The following ABHD13 variants were observed in gnomAD, a reference collection of about 807,000 sequenced individuals.
ABHD13 encodes the protein protein ABHD13.
ABHD13 carries 7 observed loss-of-function variants against 25.2 expected under a neutral mutation model. The observed-to-expected ratio is 0.28, with a 90% CI of 0.16 to 0.52. The LOEUF (loss-of-function observed/expected upper bound fraction) is 0.52. Ranked by LOEUF, ABHD13 falls within the 20% of genes least tolerant of loss-of-function variation. ABHD13 has a pLI of 0.96. For missense variants in ABHD13, 302 were observed against 402.7 expected (o/e 0.75, Z 2.14); for synonymous variants, 133 against 136.1 (o/e 0.98, Z 0.16).
In ABHD13 at chr13:108,220,874, C is replaced by T. The variant is rs555887522; in HGVS notation, c.-21+2215C>T. On this transcript the variant is annotated intron_variant, in intron 1 of 1. Transcript: ENST00000375898. ...TTATAGGTAAAGTTTTAGAACATTG[C>T]CCATTTATAAATTGGAAACTTTGTG... Among the ~76,000 whole-genome samples, 6 of 152,292 alleles carry T rather than the reference C, an allele frequency of 3.9e-5. No individual in the cohort carries two copies. The East Asian group carries it at 1.2e-3, about 29-fold the overall frequency.
intron 1 of ABHD13, among the ~76,000 whole-genome samples, chr13:108,225,228 T>G (rs1879650212): frequency 6.6e-6 from 1 of 152,222 alleles, no homozygotes; most frequent in Non-Finnish European, 1.5e-5. Flanking sequence ...GTGTTTAGTT[T>G]TGGATAAGTT....
chr13:108,226,547 A>G (rs139156555), intron 1 of ABHD13, among the ~76,000 whole-genome samples: 32 of 152,224 alleles, frequency 2.1e-4, no homozygotes, highest in Non-Finnish European at 3.7e-4. Flanking sequence ...AGGAGAGGTC[A>G]TTTTTTATCT....
rs1267482402 is a variant in ABHD13 at position 108,233,570 on chromosome 13, C to G, written c.*3338C>G. On this transcript the variant is annotated 3_prime_UTR_variant, in exon 2 of 2. Coordinates refer to ENST00000375898, the MANE Select transcript of ABHD13 (RefSeq NM_032859.3). ...GTGAGAGGAAAAATTAGTCATAACC[C>G]TTTTGGGTTATCCACTTAAATTTAG... 1 of 166,510 alleles carries G rather than the reference C, an allele frequency of 6.0e-6. No individual in the cohort carries two copies. The highest frequency in any genetic ancestry group is 1.5e-5 in the Non-Finnish European group (1 of 67,880). The allele number at this position is 166,510 out of a possible 1,614,324, so 10.3% of individuals were successfully genotyped here.
chr13:108,219,226 A>G lies in ABHD13; in HGVS notation c.-21+567A>G, dbSNP rs184561804. 1.1e-3 allele frequency among the ~76,000 whole-genome samples: 164 copies of G among 152,252 alleles called. No homozygotes were observed. In the South Asian group the frequency reaches 0.017, roughly 16 times the overall value. ...CAGGAAGTTCTGGGGTTATTCAGGA[A>G]ACATCAAAAAAGCACCCCATACAAT... is the stretch of plus-strand genomic sequence containing the variant. On this transcript the variant is annotated intron_variant, in intron 1 of 1. Transcript: ENST00000375898.
rs768930818 is a variant in ABHD13, at chr13:108,229,045, A to G, written c.-20-154A>G. ...GGAAACTGTTGAGAACAGAAAGGACAAGGGAAATTATAGCAGCTACTTTTG... is the reference window on the plus strand; with the variant it reads ...GGAAACTGTTGAGAACAGAAAGGACGAGGGAAATTATAGCAGCTACTTTTG... On this transcript the variant is annotated intron_variant, in intron 1 of 1. Coordinates refer to ENST00000375898, the MANE Select transcript of ABHD13 (RefSeq NM_032859.3). This position sits in a 1 kb window ranked among gnomAD's most constrained non-coding sequence, Gnocchi z 4.7. Among the ~76,000 whole-genome samples, 18 of 152,078 alleles carry G rather than the reference A, an allele frequency of 1.2e-4. No individual in the cohort carries two copies. Among genetic ancestry groups the G allele is most frequent in the Non-Finnish European group, 2.2e-4 (15 of 67,952 alleles).
intron 1 of ABHD13, among the ~76,000 whole-genome samples, chr13:108,228,378 C>T (rs1205724918): frequency 2.0e-5 from 3 of 151,762 alleles, no homozygotes; most frequent in Non-Finnish European, 4.4e-5. Context: ...GACCCCAGGA[C>T]GTGAAACTTC....
rs1419522135 is a variant in ABHD13 at position 108,230,283 on chromosome 13, A to C, written c.*51A>C. On this transcript the variant is annotated 3_prime_UTR_variant, in exon 2 of 2. Transcript: ENST00000375898. ...GTATTTTAATTTGTGCAGAATGATA[A>C]AGAATGTTCCTTTTAGAAGTGTGTT... The C allele has an allele frequency of 7.0e-7, 1 of 1,424,464 alleles. No individual in the cohort carries two copies. Among genetic ancestry groups the C allele is most frequent in the Non-Finnish European group, 9.4e-7 (1 of 1,064,074 alleles). The allele number at this position is 1,424,464 out of a possible 1,614,324, so 88.2% of individuals were successfully genotyped here.
At position 108,232,354 on chromosome 13, in the gene ABHD13, CCTTT is replaced by C. The variant is rs1380998431; in HGVS notation, c.*2129_*2132del. 4 of 166,848 alleles carry C rather than the reference CCTTT, an allele frequency of 2.4e-5. No individual in the cohort carries two copies. Among genetic ancestry groups the C allele is most frequent in the African/African-American group, 7.2e-5 (3 of 41,404 alleles). 10.3% of individuals were successfully genotyped at this position (166,848 alleles called of 1,614,324 possible). A position where few individuals can be genotyped will look rare whatever the true frequency, so the allele number is the denominator to read the frequency against. ...CCTTCATTCTCTTAGGGTTAAGGAG[CCTTT>C]CTTTCTGCAGCTAAGGGCAGAGGCT... is the stretch of plus-strand genomic sequence containing the variant. On this transcript the variant is annotated 3_prime_UTR_variant, in exon 2 of 2. Coordinates refer to ENST00000375898, the MANE Select transcript of ABHD13 (RefSeq NM_032859.3).
At chr13:108,228,451 A>G (rs1366014622) in intron 1 of ABHD13, among the ~76,000 whole-genome samples, 1 of 151,996 alleles carries the variant, frequency 6.6e-6, no homozygotes, top group Non-Finnish European at 1.5e-5. Flanking sequence ...ATTTATTTTT[A>G]ATTACATATG....
intron 1 of ABHD13, among the ~76,000 whole-genome samples, chr13:108,222,331 G>A (rs1879586245): frequency 6.6e-6 from 1 of 151,914 alleles, no homozygotes; most frequent in South Asian, 2.1e-4. Context: ...TTGAGTTTCA[G>A]TTCTTGATAT....
chr13:108,229,722 T>C lies in ABHD13; in HGVS notation c.504T>C (p.Asp168=). 6.2e-7 allele frequency: 1 copy of C among 1,613,418 alleles called. No individual in the cohort carries two copies. The highest frequency in any genetic ancestry group is 8.5e-7 in the Non-Finnish European group (1 of 1,179,532). The change falls in exon 2 of 2, where the codon GAT becomes GAC. Residue 168 remains aspartate (D), a synonymous_variant. Transcript: ENST00000375898. The surrounding 1 kb of genome is among the most constrained non-coding windows in gnomAD (Gnocchi z 4.7). ...GEASEEGLYL[D]SEAVLDYVMT... ...CAAGTGAAGAAGGACTCTACTTAGA[T>C]TCTGAAGCTGTGTTAGACTACGTGA...
At position 108,229,153 on chromosome 13, in the gene ABHD13, AATAG is replaced by A. The variant is rs1879736567; in HGVS notation, c.-20-40_-20-37del. 4.3e-6 allele frequency: 6 copies of A among 1,401,786 alleles called. No individual in the cohort carries two copies. The highest frequency in any genetic ancestry group is 5.8e-6 in the Non-Finnish European group (6 of 1,038,156). The allele number at this position is 1,401,786 out of a possible 1,614,324, so 86.8% of individuals were successfully genotyped here. A position where few individuals can be genotyped will look rare whatever the true frequency, so the allele number is the denominator to read the frequency against. ...TTATTATATTGTGGATTTTTAAAAG[AATAG>A]ATAGACGTTGAATTATTGATATTCT... On this transcript the variant is annotated intron_variant, in intron 1 of 1. Transcript: ENST00000375898. This position sits in a 1 kb window ranked among gnomAD's most constrained non-coding sequence, Gnocchi z 4.7.
chr13:108,230,363 C>T lies in ABHD13; in HGVS notation c.*131C>T, dbSNP rs1384553060. The T allele has an allele frequency of 1.4e-6, 1 of 723,384 alleles. No individual in the cohort carries two copies. The highest frequency in any genetic ancestry group is 1.8e-5 in the African/African-American group (1 of 55,320). The allele number at this position is 723,384 out of a possible 1,614,324, so 44.8% of individuals were successfully genotyped here. On this transcript the variant is annotated 3_prime_UTR_variant, in exon 2 of 2. Transcript: ENST00000375898. Reference sequence around the variant, plus strand: ...AAACTTTGAAAGGACTTCACTGCTCCTTTACGATATTCCAAATAGTTTTTT... The same window carrying T: ...AAACTTTGAAAGGACTTCACTGCTCTTTTACGATATTCCAAATAGTTTTTT...
rs142434176 is a variant in ABHD13, at chr13:108,234,020, ATAAGT to A, written c.*3792_*3796del. 0.019 allele frequency: 3,224 copies of A among 166,978 alleles called. 135 individuals are homozygous for A. The highest frequency in any genetic ancestry group is 0.11 in the Admixed American group (1,709 of 15,266). The allele number at this position is 166,978 out of a possible 1,614,324, so 10.3% of individuals were successfully genotyped here. A position where few individuals can be genotyped will look rare whatever the true frequency, so the allele number is the denominator to read the frequency against. ...CATATTCAAGTATGTTCAGTATAAA[ATAAGT>A]TAATCCCATTTCATAATGTAAATCA... is the stretch of plus-strand genomic sequence containing the variant. On this transcript the variant is annotated 3_prime_UTR_variant, in exon 2 of 2. Transcript: ENST00000375898.
chr13:108,220,207 G>A (rs1879533284), intron 1 of ABHD13, among the ~76,000 whole-genome samples: 1 of 152,142 alleles, frequency 6.6e-6, no homozygotes, highest in Admixed American at 6.5e-5. Context: ...GCACCACACT[G>A]CCTCCCACTG....
chr13:108,231,405 G>A lies in ABHD13; in HGVS notation c.*1173G>A, dbSNP rs1454176442. ...TTTTAAAAGTTTTACATGTAGGAGT[G>A]TGGGAATGAAGGAATTCTGGAGCTT... On this transcript the variant is annotated 3_prime_UTR_variant, in exon 2 of 2. Transcript: ENST00000375898. 1 of 166,694 alleles carries A rather than the reference G, an allele frequency of 6.0e-6. No homozygotes were observed. The highest frequency in any genetic ancestry group is 1.5e-5 in the Non-Finnish European group (1 of 67,938). The allele number at this position is 166,694 out of a possible 1,614,324, so 10.3% of individuals were successfully genotyped here. A position where few individuals can be genotyped will look rare whatever the true frequency, so the allele number is the denominator to read the frequency against.
chr13:108,227,971 C>T (rs1879710149), intron 1 of ABHD13, among the ~76,000 whole-genome samples: 1 of 151,916 alleles, frequency 6.6e-6, no homozygotes, highest in African/African-American at 2.4e-5. Context: ...AGAAAAAAAT[C>T]AAATTTGTTA....
chr13:108,224,885 A>C (rs552826925), intron 1 of ABHD13, among the ~76,000 whole-genome samples: 2 of 152,332 alleles, frequency 1.3e-5, no homozygotes, highest in East Asian at 3.9e-4. Flanking sequence ...TAATACTGCA[A>C]AACCATTCTT....
chr13:108,222,040 A>T (rs1313667277), intron 1 of ABHD13, among the ~76,000 whole-genome samples: 1 of 151,964 alleles, frequency 6.6e-6, no homozygotes, highest in Non-Finnish European at 1.5e-5. Flanking sequence ...GTGTTTTACC[A>T]TGTTGCCCGG....
Sources: allele counts gnomAD v4.1 joint callset (sites outside exome capture counted in the v4.1 genomes callset), GRCh38; gene constraint gnomAD v4.1.1; non-coding constraint Gnocchi (gnomAD v3.1); transcripts MANE v1.5; gene names NCBI Gene and HGNC (gene_info 2026-07-23, HGNC 2026-07-21).